The following TRUB1 variants were observed in gnomAD, a reference collection of about 807,000 sequenced individuals.
TRUB1 encodes TruB pseudouridine synthase family member 1.
In TRUB1, 23 loss-of-function variants were observed where a neutral mutation model predicts 33.9. That is an observed-to-expected ratio of 0.68 (90% confidence interval 0.49 to 0.96). TRUB1 has a LOEUF of 0.96. Ranked by LOEUF, TRUB1 falls within the 40% of genes least tolerant of loss-of-function variation. TRUB1 has a pLI of 0.00. For synonymous variants in TRUB1, 163 were observed against 165.4 expected, an observed-to-expected ratio of 0.99 and a Z score of 0.11; for missense variants, 378 against 422.2, an observed-to-expected ratio of 0.90 and a Z score of 0.92.
At chr10:114,947,846 G>A (rs181139897) in intron 2 of TRUB1, among the ~76,000 whole-genome samples, 3 of 152,192 alleles carry the variant, frequency 2.0e-5, no homozygotes, top group Admixed American at 6.5e-5. Context: ...AGAACTTTTT[G>A]TTTGTTTTGT....
chr10:114,949,896 G>GTTTT (rs35333718), intron 2 of TRUB1, among the ~76,000 whole-genome samples: 8 of 125,112 alleles, frequency 6.4e-5, no homozygotes, highest in Admixed American at 8.4e-5. Context: ...ATCTTTTAAA[G>GTTTT]TTTTTTTTTT....
At chr10:114,968,025 C>T (rs190949676) in intron 4 of TRUB1, among the ~76,000 whole-genome samples, 9 of 151,874 alleles carry the variant, frequency 5.9e-5, no homozygotes, top group East Asian at 1.9e-4. Context: ...ATGTTATATA[C>T]GAAAAATTGT....
At chr10:114,956,901 G>C (rs2143021674) in intron 3 of TRUB1, among the ~76,000 whole-genome samples, 1 of 152,266 alleles carries the variant, frequency 6.6e-6, no homozygotes. Flanking sequence ...CAAAATGTTT[G>C]AGAACATTTT....
intron 3 of TRUB1, among the ~76,000 whole-genome samples, chr10:114,959,157 C>A (rs998180152): frequency 6.6e-6 from 1 of 152,082 alleles, no homozygotes; most frequent in Admixed American, 6.5e-5. Context: ...AAACAAAAAA[C>A]ACATTTAATA....
At chr10:114,954,910 T>C (rs1368582888) in intron 3 of TRUB1, among the ~76,000 whole-genome samples, 1 of 143,548 alleles carries the variant, frequency 7.0e-6, no homozygotes, top group African/African-American at 2.8e-5. Context: ...GTTAATTTCT[T>C]TTTTTTTTTT....
chr10:114,962,838 A>G (rs2084290019), intron 4 of TRUB1, among the ~76,000 whole-genome samples: 1 of 152,214 alleles, frequency 6.6e-6, no homozygotes, highest in Admixed American at 6.5e-5. Context: ...AATGACATAT[A>G]TGACATATAG....
intron 4 of TRUB1, among the ~76,000 whole-genome samples, chr10:114,965,447 A>G (rs1205015649): frequency 6.6e-6 from 1 of 152,048 alleles, no homozygotes; most frequent in Non-Finnish European, 1.5e-5. Flanking sequence ...CTTTATATAA[A>G]TTGTTGCATT....
intron 4 of TRUB1, among the ~76,000 whole-genome samples, chr10:114,966,791 G>T (rs545589193): frequency 6.9e-4 from 105 of 152,172 alleles, no homozygotes; most frequent in African/African-American, 2.5e-3. Context: ...TTTGTATATT[G>T]ATCTTGTGTT....
intron 3 of TRUB1, among the ~76,000 whole-genome samples, chr10:114,951,694 T>C (rs1490680929): frequency 1.3e-5 from 2 of 152,158 alleles, no homozygotes; most frequent in African/African-American, 4.8e-5. Context: ...CAGGAGAGGC[T>C]GGAAAGCTGT....
intron 4 of TRUB1, among the ~76,000 whole-genome samples, chr10:114,963,412 G>C (rs558321375): frequency 3.3e-5 from 5 of 151,908 alleles, no homozygotes; most frequent in Admixed American, 2.6e-4. Flanking sequence ...TGTGTAGCTG[G>C]GTATAAAAAT....
At chr10:114,948,935 C>G (rs1397334265) in intron 2 of TRUB1, among the ~76,000 whole-genome samples, 3 of 152,038 alleles carry the variant, frequency 2.0e-5, no homozygotes, top group East Asian at 3.9e-4. Context: ...TGTTGTGTTC[C>G]CTATACATCC....
At chr10:114,968,765 A>G (rs1399735148) in intron 4 of TRUB1, among the ~76,000 whole-genome samples, 2 of 152,186 alleles carry the variant, frequency 1.3e-5, no homozygotes, top group African/African-American at 2.4e-5. Flanking sequence ...ACTGAGGTTA[A>G]AACTGTCTTG....
rs766482121 is a variant in TRUB1 at position 114,975,156 on chromosome 10, C to A, written c.827C>A (p.Thr276Asn). 6.2e-7 allele frequency: 1 copy of A among 1,613,294 alleles called. No homozygotes were observed. Among genetic ancestry groups the A allele is most frequent in the Admixed American group, 1.7e-5 (1 of 59,922 alleles). ...LSSCANVLEL[T>N]RTKQGPFTLE... ...TCCTGTGCCAATGTGCTAGAGCTGA[C>A]CCGAACCAAACAGGGACCATTTACG... is the stretch of plus-strand genomic sequence containing the variant. The change falls in exon 8 of 8, where the codon ACC (threonine) becomes AAC (asparagine). Residue 276 changes from threonine to asparagine, a missense_variant. By Grantham distance (65) the Thr-to-Asn change is moderately conservative. Transcript: ENST00000298746.
At chr10:114,950,970 T>C in intron 2 of TRUB1, 124 bp from the exon 3 acceptor site, 1 of 717,864 alleles carries the variant, frequency 1.4e-6, no homozygotes, top group Non-Finnish European at 2.3e-6. Context: ...AACATTTTGC[T>C]AAATATCTGT....
At chr10:114,957,943 C>T (rs928436363) in intron 3 of TRUB1, among the ~76,000 whole-genome samples, 8 of 152,206 alleles carry the variant, frequency 5.3e-5, no homozygotes, top group African/African-American at 1.2e-4. Flanking sequence ...CTGTTAACTG[C>T]GAATCATTCT....
chr10:114,975,558 C>A lies in TRUB1; in HGVS notation c.*179C>A. Reference sequence around the variant, plus strand: ...TTTATTTTCTATGCATTATAAATGGCCTTGCAGTTGGCTCAGTTGTTTGTT... The same window carrying A: ...TTTATTTTCTATGCATTATAAATGGACTTGCAGTTGGCTCAGTTGTTTGTT... On this transcript the variant is annotated 3_prime_UTR_variant, in exon 8 of 8. Coordinates refer to ENST00000298746, the MANE Select transcript of TRUB1 (RefSeq NM_139169.5). 2 of 541,800 alleles carry A rather than the reference C, an allele frequency of 3.7e-6. No homozygotes were observed. Among genetic ancestry groups the A allele is most frequent in the Non-Finnish European group, 6.0e-6 (2 of 331,244 alleles). The allele number at this position is 541,800 out of a possible 1,614,324, so 33.6% of individuals were successfully genotyped here.
chr10:114,938,321 A>T lies in TRUB1; in HGVS notation c.68A>T (p.Glu23Val). The change falls in exon 1 of 8, where the codon GAA becomes GTA. Residue 23 changes from glutamate to valine, a missense_variant. Physicochemically the swap from Glu to Val is moderately radical, Grantham distance 121. Transcript: ENST00000298746. ...AAAACAGACACATCCCCTGTCCTTGAAACTGCAGGAACGGTCGCAGCAATG... is the reference window on the plus strand; with the variant it reads ...AAAACAGACACATCCCCTGTCCTTGTAACTGCAGGAACGGTCGCAGCAATG... Reference protein sequence around the residue: ...SLKTDTSPVLETAGTVAAMAA... With the variant: ...SLKTDTSPVLVTAGTVAAMAA... The T allele has an allele frequency of 6.2e-7, 1 of 1,614,100 alleles. No homozygotes were observed. The highest frequency in any genetic ancestry group is 8.5e-7 in the Non-Finnish European group (1 of 1,179,994).
At chr10:114,942,245 A>T (rs140467651) in intron 1 of TRUB1, among the ~76,000 whole-genome samples, 3 of 152,354 alleles carry the variant, frequency 2.0e-5, no homozygotes, top group Admixed American at 2.0e-4. Flanking sequence ...AGAGATTCAG[A>T]AATGGAAATT....
At chr10:114,950,647 GGTGC>G (rs2084230230) in intron 2 of TRUB1, among the ~76,000 whole-genome samples, 1 of 152,046 alleles carries the variant, frequency 6.6e-6, no homozygotes, top group Admixed American at 6.6e-5. Flanking sequence ...TATACTGCTG[GGTGC>G]TAATCATCTT....
Sources: gnomAD v4.1 joint callset for allele counts (sites outside exome capture counted in the v4.1 genomes callset) on GRCh38, gnomAD v4.1.1 for gene constraint, MANE v1.5 for transcripts, NCBI Gene and HGNC (gene_info 2026-07-23, HGNC 2026-07-21) for gene names.